Variants in RAPGEF2 observed in about 807,000 individuals in gnomAD.
RAPGEF2 encodes PDZ domain containing guanine nucleotide exchange factor (GEF) 1.
A neutral mutation model predicts 186.7 loss-of-function variants in RAPGEF2; 54 were observed. The observed-to-expected ratio is 0.29, with a 90% CI of 0.23 to 0.36. The LOEUF is 0.36. Among genes scored for constraint, RAPGEF2 ranks in the 10% least tolerant of loss-of-function variants. RAPGEF2 has a pLI of 1.00. For synonymous variants in RAPGEF2, 712 were observed against 705.9 expected, an observed-to-expected ratio of 1.01 and a Z score of -0.14; for missense variants, 1,532 against 2,045.0, an observed-to-expected ratio of 0.75 and a Z score of 4.84.
chr4:159,221,463 T>C (rs1751531675), intron 4 of RAPGEF2, among the ~76,000 whole-genome samples: 1 of 152,244 alleles, frequency 6.6e-6, no homozygotes, highest in Non-Finnish European at 1.5e-5. Context: ...TTGTACAGAA[T>C]GTGGACAGTA....
chr4:159,197,308 G>A (rs1269840272), intron 3 of RAPGEF2, among the ~76,000 whole-genome samples: 1 of 152,174 alleles, frequency 6.6e-6, no homozygotes, highest in African/African-American at 2.4e-5. Context: ...GTTTCTTAAT[G>A]GCCAGCTATC....
At chr4:159,339,875 A>C (rs1328219935) in intron 19 of RAPGEF2, among the ~76,000 whole-genome samples, 1 of 152,240 alleles carries the variant, frequency 6.6e-6, no homozygotes, top group Non-Finnish European at 1.5e-5. Flanking sequence ...TTATGCTATG[A>C]AATACACTTC....
intron 7 of RAPGEF2, among the ~76,000 whole-genome samples, chr4:159,270,039 CTAAAG>C (rs1319410768): frequency 5.9e-5 from 9 of 152,146 alleles, no homozygotes; most frequent in Non-Finnish European, 1.3e-4. Context: ...TGATATTAGA[CTAAAG>C]TAACACTAGT....
intron 9 of RAPGEF2, among the ~76,000 whole-genome samples, chr4:159,316,377 G>A (rs142864803): frequency 2.2e-4 from 34 of 152,128 alleles, no homozygotes; most frequent in African/African-American, 7.2e-4. Context: ...TACTGGAACA[G>A]CTCATGTCCT....
chr4:159,129,395 T>C (rs1740751741), intron 1 of RAPGEF2, among the ~76,000 whole-genome samples: 1 of 151,904 alleles, frequency 6.6e-6, no homozygotes, highest in South Asian at 2.1e-4. Flanking sequence ...AGTTCTTTAT[T>C]TTATGTTTAG....
At chr4:159,267,791 CTT>C (rs200359653) in intron 7 of RAPGEF2, 1,117 of 889,192 alleles carry the variant, frequency 1.3e-3, no homozygotes, top group Middle Eastern at 1.7e-3. Flanking sequence ...TAGCTTTTTT[CTT>C]TTTTTTTTTT....
At chr4:159,110,157 A>G (rs967440985) in intron 1 of RAPGEF2, among the ~76,000 whole-genome samples, 2 of 152,236 alleles carry the variant, frequency 1.3e-5, no homozygotes, top group Non-Finnish European at 2.9e-5. Context: ...TTCATAGTTC[A>G]TAGGAAAAAA....
At chr4:159,105,137 T>C (rs1451069958) in intron 1 of RAPGEF2, among the ~76,000 whole-genome samples, 1 of 152,230 alleles carries the variant, frequency 6.6e-6, no homozygotes, top group African/African-American at 2.4e-5. Context: ...TATAAAAATG[T>C]GGTAGCTTAA....
At chr4:159,317,076 A>T (rs1357026732) in intron 9 of RAPGEF2, among the ~76,000 whole-genome samples, 1 of 152,164 alleles carries the variant, frequency 6.6e-6, no homozygotes, top group Non-Finnish European at 1.5e-5. Context: ...TTGATAAAGG[A>T]TGGTGTGGAG....
chr4:159,263,936 G>A (rs1200270259), intron 7 of RAPGEF2, among the ~76,000 whole-genome samples: 2 of 152,128 alleles, frequency 1.3e-5, no homozygotes, highest in Non-Finnish European at 2.9e-5. Context: ...TAATTTGGAA[G>A]TCATTGGATG....
intron 8 of RAPGEF2, among the ~76,000 whole-genome samples, chr4:159,313,962 A>G (rs1216644664): frequency 6.6e-6 from 1 of 152,230 alleles, no homozygotes; most frequent in Non-Finnish European, 1.5e-5. Context: ...GTATCTTGAT[A>G]ACTTGAAGTT....
chr4:159,281,435 G>GAGGC (rs996022353), intron 7 of RAPGEF2, among the ~76,000 whole-genome samples: 1 of 151,900 alleles, frequency 6.6e-6, no homozygotes, highest in Non-Finnish European at 1.5e-5. Context: ...TTGGGAGGCT[G>GAGGC]AGGCAGGTGG....
At chr4:159,125,238 T>C (rs1275775646) in intron 1 of RAPGEF2, among the ~76,000 whole-genome samples, 2 of 152,234 alleles carry the variant, frequency 1.3e-5, no homozygotes, top group African/African-American at 4.8e-5. Flanking sequence ...CGATTTAGTT[T>C]ACAATCAAGA....
intron 2 of RAPGEF2, among the ~76,000 whole-genome samples, chr4:159,192,071 A>G (rs1748181087): frequency 6.6e-6 from 1 of 152,192 alleles, no homozygotes. Context: ...GGCAGAGCCC[A>G]TTATCTAGTT....
rs747837993 is a variant in RAPGEF2, at chr4:159,109,505, G to A, written c.69+5274G>A. On this transcript the variant is annotated intron_variant, in intron 1 of 29. Transcript: ENST00000691494. Reference sequence around the variant, plus strand: ...CTGAGGTTTTGTGGATTAAGTGAAAGTACATTATTTAGTGTAATGCCTAAT... The same window carrying A: ...CTGAGGTTTTGTGGATTAAGTGAAAATACATTATTTAGTGTAATGCCTAAT... Among the ~76,000 whole-genome samples, 13 of 152,318 alleles carry A rather than the reference G, an allele frequency of 8.5e-5. No individual in the cohort carries two copies. The East Asian group carries it at 2.5e-3, about 29-fold the overall frequency.
At chr4:159,144,378 CTCT>C (rs527901454) in intron 1 of RAPGEF2, among the ~76,000 whole-genome samples, 19 of 152,232 alleles carry the variant, frequency 1.2e-4, no homozygotes, top group East Asian at 9.7e-4. Flanking sequence ...TTTAGATGTG[CTCT>C]TCTTGTATTT....
chr4:159,114,119 ATT>A (rs772011656), intron 1 of RAPGEF2, among the ~76,000 whole-genome samples: 42 of 136,844 alleles, frequency 3.1e-4, no homozygotes, highest in African/African-American at 1.0e-3. Flanking sequence ...TACCTGGCTA[ATT>A]TTTTTTTTTT....
rs70962671 is a variant in RAPGEF2, at chr4:159,336,157, ATT to A, written c.2136-2143_2136-2142del. ...AATAATTCACACTGAAATTGTCTTTATTTTTTTTTTTTAATTTTTATTTCAGT... is the reference window on the plus strand; with the variant it reads ...AATAATTCACACTGAAATTGTCTTTATTTTTTTTTTAATTTTTATTTCAGT... On this transcript the variant is annotated intron_variant, in intron 17 of 29. Transcript: ENST00000691494. Among the ~76,000 whole-genome samples, 576 of 149,734 alleles carry A rather than the reference ATT, an allele frequency of 3.8e-3. 6 individuals are homozygous for A. Among genetic ancestry groups the A allele is most frequent in the African/African-American group, 0.013 (549 of 40,980 alleles).
At chr4:159,274,702 A>G (rs1758604798) in intron 7 of RAPGEF2, among the ~76,000 whole-genome samples, 1 of 152,144 alleles carries the variant, frequency 6.6e-6, no homozygotes, top group Admixed American at 6.5e-5. Flanking sequence ...TGCTATTAGT[A>G]TTGTCTTAGG....
Sources: allele counts gnomAD v4.1 joint callset (sites outside exome capture counted in the v4.1 genomes callset), GRCh38; gene constraint gnomAD v4.1.1; transcripts MANE v1.5; gene names NCBI Gene and HGNC (gene_info 2026-07-23, HGNC 2026-07-21).